Variants in NUP35 observed in about 807,000 individuals in gnomAD.
The protein encoded by NUP35 is nucleoporin 35, also known as nucleoporin NUP35.
A neutral mutation model predicts 41.5 loss-of-function variants in NUP35; 25 were observed. That is an observed-to-expected ratio of 0.60 (90% CI 0.44 to 0.84). The LOEUF (loss-of-function observed/expected upper bound fraction) is 0.84. NUP35 is among the 40% of genes least tolerant of loss of function. NUP35 has a pLI of 0.00. For synonymous variants in NUP35, 149 were observed against 130.7 expected (o/e 1.14, Z -0.96); for missense variants, 396 against 396.6 (o/e 1.00, Z 0.01).
chr2:183,122,103 A>C (rs10931061), upstream of NUP35, among the ~76,000 whole-genome samples: 79,266 of 147,834 alleles, frequency 0.54, 23,957 homozygotes, highest in East Asian at 0.89. Flanking sequence ...TTGGACACAG[A>C]GTCTCGCTCT....
At position 183,161,137 on chromosome 2, in the gene NUP35, C is replaced by A. The variant is rs1249767936; in HGVS notation, c.*6C>A. ...AGTACATGTTTGGCTGGTAGTAGAA[C>A]ACCAAGAAGGAGGTTGCTACACTAA... On this transcript the variant is annotated 3_prime_UTR_variant, in exon 9 of 9. Transcript: ENST00000295119. The A allele has an allele frequency of 6.2e-7, 1 of 1,607,570 alleles. No individual in the cohort carries two copies. The highest frequency in any genetic ancestry group is 1.7e-4 in the Middle Eastern group (1 of 5,836).
Position 183,161,084 on chromosome 2 carries a change from G to T in NUP35, c.934G>T (p.Asp312Tyr). ...VISDRQTPKKDESLVSKAMEY... is the reference protein window; with the variant it reads ...VISDRQTPKKYESLVSKAMEY... ...TTCTGACAGACAAACGCCAAAAAAA[G>T]ATGAAAGTCTTGTATCCAAAGCAAT... The change falls in exon 9 of 9, where the codon GAT becomes TAT. Residue 312 changes from aspartate to tyrosine, a missense_variant. Physicochemically the swap from Asp to Tyr is radical, Grantham distance 160 (BLOSUM62 -3). Coordinates refer to ENST00000295119, the MANE Select transcript of NUP35 (RefSeq NM_138285.5). The T allele has an allele frequency of 6.2e-7, 1 of 1,613,338 alleles. No homozygotes were observed. The highest frequency in any genetic ancestry group is 8.5e-7 in the Non-Finnish European group (1 of 1,179,570).
chr2:183,159,877 A>C, intron 8 of NUP35: 2 of 448,820 alleles, frequency 4.5e-6, no homozygotes, highest in Non-Finnish European at 7.8e-6. Flanking sequence ...CATTCCTTTA[A>C]ATTTTTTGAA....
chr2:183,137,758 A>T (rs1358657647), intron 4 of NUP35, among the ~76,000 whole-genome samples: 1 of 151,846 alleles, frequency 6.6e-6, no homozygotes, highest in African/African-American at 2.4e-5. Flanking sequence ...GCACCACTGC[A>T]CGCGAGCCTG....
chr2:183,144,605 C>T (rs1043987929), intron 4 of NUP35, among the ~76,000 whole-genome samples: 30 of 151,218 alleles, frequency 2.0e-4, no homozygotes, highest in African/African-American at 7.0e-4. Flanking sequence ...GTCTTTTGCC[C>T]TCTGCTTTAA....
At chr2:183,148,491 C>G (rs1277663710) in intron 4 of NUP35, among the ~76,000 whole-genome samples, 2 of 152,062 alleles carry the variant, frequency 1.3e-5, no homozygotes, top group Non-Finnish European at 2.9e-5. Flanking sequence ...TTAACAATAG[C>G]CATTCTGACT....
chr2:183,157,737 C>T (rs1685721411), intron 6 of NUP35, among the ~76,000 whole-genome samples: 1 of 151,900 alleles, frequency 6.6e-6, no homozygotes, highest in African/African-American at 2.4e-5. Context: ...GAAAATCCAC[C>T]TCCTCTCACC....
chr2:183,144,951 C>T (rs776610300), intron 4 of NUP35, among the ~76,000 whole-genome samples: 1 of 151,884 alleles, frequency 6.6e-6, no homozygotes, highest in Non-Finnish European at 1.5e-5. Context: ...TGTCACAATT[C>T]GAACCTTCAT....
chr2:183,139,845 A>G (rs1575122745), intron 4 of NUP35, among the ~76,000 whole-genome samples: 1 of 152,240 alleles, frequency 6.6e-6, no homozygotes, highest in African/African-American at 2.4e-5. Flanking sequence ...GGGCCTCCAT[A>G]ATTTGTGAGA....
intron 4 of NUP35, among the ~76,000 whole-genome samples, chr2:183,147,855 T>C (rs941969409): frequency 2.1e-4 from 32 of 152,202 alleles, no homozygotes; most frequent in African/African-American, 7.7e-4. Context: ...ATCAGTGCTT[T>C]GTAGTTCTCC....
At chr2:183,123,456 T>C (rs956564699), upstream of NUP35, among the ~76,000 whole-genome samples, 19 of 152,222 alleles carry the variant, frequency 1.2e-4, 1 homozygote, top group Admixed American at 1.0e-3. Flanking sequence ...GGTTTTAAAA[T>C]TTGATTTCTG....
chr2:183,133,515 C>T (rs369689360), intron 3 of NUP35, 51 bp from the exon 4 acceptor site: 4 of 1,414,574 alleles, frequency 2.8e-6, no homozygotes, highest in East Asian at 4.6e-5. Context: ...TTAACACTTA[C>T]TGTATTTATG....
chr2:183,131,934 A>T (rs952609572), intron 3 of NUP35, among the ~76,000 whole-genome samples: 1 of 152,174 alleles, frequency 6.6e-6, no homozygotes, highest in African/African-American at 2.4e-5. Flanking sequence ...TTAGTTTGGT[A>T]TGAAGGCTGG....
chr2:183,124,937 C>T (rs1559140301), intron 1 of NUP35, among the ~76,000 whole-genome samples: 1 of 149,598 alleles, frequency 6.7e-6, no homozygotes, highest in Admixed American at 6.6e-5. Context: ...CAGTCCACTG[C>T]TTCTTGATCA....
At chr2:183,148,920 C>A (rs1023336614) in intron 4 of NUP35, among the ~76,000 whole-genome samples, 2 of 152,178 alleles carry the variant, frequency 1.3e-5, no homozygotes, top group African/African-American at 4.8e-5. Flanking sequence ...GGATTACAGT[C>A]ACGAGCCACA....
rs139459252 is a variant in NUP35 at position 183,138,984 on chromosome 2, C to A, written c.397+5361C>A. On this transcript the variant is annotated intron_variant, in intron 4 of 8. Transcript: ENST00000295119. Reference sequence around the variant, plus strand: ...GTTCCTTTTAAAGCTCTCTGTTTGGCTCTCATCTGTCTTTATTACCTGATT... The same window carrying A: ...GTTCCTTTTAAAGCTCTCTGTTTGGATCTCATCTGTCTTTATTACCTGATT... Among the ~76,000 whole-genome samples the A allele has an allele frequency of 5.2e-3, 797 of 152,166 alleles. 8 individuals carry two copies. The highest frequency in any genetic ancestry group is 0.018 in the African/African-American group (754 of 41,518).
upstream of NUP35, chr2:183,124,421 T>G: frequency 6.2e-7 from 1 of 1,613,766 alleles, no homozygotes. Flanking sequence ...GAAAATTAAT[T>G]GGGAAGGTAC....
chr2:183,141,998 G>GT (rs1233116735), intron 4 of NUP35, among the ~76,000 whole-genome samples: 1 of 152,156 alleles, frequency 6.6e-6, no homozygotes, highest in Non-Finnish European at 1.5e-5. Flanking sequence ...GCTTTTTTTA[G>GT]TCTTCACACT....
intron 1 of NUP35, among the ~76,000 whole-genome samples, chr2:183,126,306 G>A (rs908853012): frequency 1.3e-5 from 2 of 152,220 alleles, no homozygotes; most frequent in African/African-American, 4.8e-5. Flanking sequence ...TGGGATTAGA[G>A]GCTTGCGCCT....
Sources: gnomAD v4.1 joint callset for allele counts (sites outside exome capture counted in the v4.1 genomes callset) on GRCh38, gnomAD v4.1.1 for gene constraint, MANE v1.5 for transcripts, NCBI Gene and HGNC (gene_info 2026-07-23, HGNC 2026-07-21) for gene names.